The following PRCD variants were observed in gnomAD, a reference collection of about 807,000 sequenced individuals.
The protein encoded by PRCD is photoreceptor disc component.
A neutral mutation model predicts 10.1 loss-of-function variants in PRCD; 12 were observed. The observed-to-expected ratio is 1.18, with a 90% CI of 0.76 to 1.92. The LOEUF (loss-of-function observed/expected upper bound fraction) is 1.92. PRCD is among the 40% of genes most tolerant of loss of function. The pLI, the probability that PRCD is intolerant of heterozygous loss-of-function variation, is 0.00. For missense variants in PRCD, 61 were observed against 72.2 expected (o/e 0.84, Z 0.56); for synonymous variants, 31 against 26.2 (o/e 1.18, Z -0.56).
chr17:76,542,609 G>A lies in PRCD; in HGVS notation c.*35G>A, dbSNP rs757831917. 3 of 1,613,650 alleles carry A rather than the reference G, an allele frequency of 1.9e-6. No individual in the cohort carries two copies. The highest frequency in any genetic ancestry group is 4.5e-5 in the East Asian group (2 of 44,884). Reference sequence around the variant, plus strand: ...TCTGCAGGTGGGGCTCAGGCCCAGAGACTGGGATCAGCTGGCTCAGGCAGG... The same window carrying A: ...TCTGCAGGTGGGGCTCAGGCCCAGAAACTGGGATCAGCTGGCTCAGGCAGG... On this transcript the variant is annotated 3_prime_UTR_variant, in exon 3 of 5. Transcript: ENST00000592014.
chr17:76,544,345 GCCT>G lies in PRCD; in HGVS notation c.*697_*699del, dbSNP rs1418594026. 2.2e-6 allele frequency: 1 copy of G among 454,692 alleles called. No homozygotes were observed. The highest frequency in any genetic ancestry group is 6.9e-5 in the East Asian group (1 of 14,392). 28.2% of individuals were successfully genotyped at this position (454,692 alleles called of 1,614,324 possible). ...ACAGCAGCACTTCAGCCGCCACTCTGCCTCTGAAGGGAAGGAAGGGAAAGGGTG... is the reference window on the plus strand; with the variant it reads ...ACAGCAGCACTTCAGCCGCCACTCTGCTGAAGGGAAGGAAGGGAAAGGGTG... On this transcript the variant is annotated 3_prime_UTR_variant, in exon 5 of 5. Transcript: ENST00000592014.
At chr17:76,529,231 G>A (rs887350612) in intron 1 of PRCD, 44 of 985,342 alleles carry the variant, frequency 4.5e-5, no homozygotes, top group Non-Finnish European at 5.2e-5. Flanking sequence ...GGGAGGCTCT[G>A]CAGGCTCAGG....
intron 1 of PRCD, among the ~76,000 whole-genome samples, chr17:76,534,136 CTCTT>C (rs1226089403): frequency 5.8e-4 from 76 of 130,252 alleles, no homozygotes; most frequent in African/African-American, 2.1e-3. Flanking sequence ...CTTTCTCTCT[CTCTT>C]TCTCTTTCTC....
chr17:76,551,286 G>A (rs540222169), intron 1 of PRCD: 1 of 152,236 alleles, frequency 6.6e-6, no homozygotes, highest in East Asian at 1.9e-4. Context: ...TGGGCATGGA[G>A]AGACATGCCC....
upstream of PRCD, chr17:76,537,609 C>T: frequency 9.8e-7 from 1 of 1,025,492 alleles, no homozygotes; most frequent in Non-Finnish European, 1.2e-6. Flanking sequence ...GCGCGGGGCG[C>T]GGGGCGCCGG....
Position 76,544,221 on chromosome 17 carries a change from C to T in PRCD, c.*571C>T, listed in dbSNP as rs1267287400. On this transcript the variant is annotated 3_prime_UTR_variant, in exon 5 of 5. Transcript: ENST00000592014. ...CCCGTGCCTCTGTGCACACGCGTCT[C>T]TCCTCCCCAGCCAGCCCCCCTCCCA... 2.2e-6 allele frequency: 1 copy of T among 454,586 alleles called. No individual in the cohort carries two copies. The highest frequency in any genetic ancestry group is 1.6e-5 in the South Asian group (1 of 64,480). The allele number at this position is 454,586 out of a possible 1,614,324, so 28.2% of individuals were successfully genotyped here. A position where few individuals can be genotyped will look rare whatever the true frequency, so the allele number is the denominator to read the frequency against.
rs1229256216 is a variant in PRCD, at chr17:76,544,314, C to T, written c.*664C>T. On this transcript the variant is annotated 3_prime_UTR_variant, in exon 5 of 5. Transcript: ENST00000592014. ...CTTCCAGGCAGTAGAAGATGGAGTT[C>T]TCTAGACAGCAGCACTTCAGCCGCC... 1 of 454,444 alleles carries T rather than the reference C, an allele frequency of 2.2e-6. No homozygotes were observed. The highest frequency in any genetic ancestry group is 4.4e-6 in the Non-Finnish European group (1 of 226,816). The allele number at this position is 454,444 out of a possible 1,614,324, so 28.2% of individuals were successfully genotyped here. A position where few individuals can be genotyped will look rare whatever the true frequency, so the allele number is the denominator to read the frequency against.
downstream of PRCD, among the ~76,000 whole-genome samples, chr17:76,547,565 T>A (rs1050346540): frequency 6.6e-6 from 1 of 152,054 alleles, no homozygotes; most frequent in African/African-American, 2.4e-5. Context: ...AGAAAATTTT[T>A]AAAAATTTAC....
chr17:76,541,831 C>G (rs1174051968), intron 2 of PRCD, among the ~76,000 whole-genome samples: 1 of 152,150 alleles, frequency 6.6e-6, no homozygotes, highest in East Asian at 1.9e-4. Flanking sequence ...AATGGAAAGA[C>G]TATGGGGGAA....
downstream of PRCD, chr17:76,546,711 T>G (rs1466863502): frequency 2.0e-5 from 3 of 152,208 alleles, no homozygotes; most frequent in East Asian, 5.8e-4. This position sits in a 1 kb window ranked among gnomAD's most constrained non-coding sequence, Gnocchi z 4.5. Flanking sequence ...GCACGGAAGC[T>G]TATGTTAACA....
rs1312015753 is a variant in PRCD at position 76,530,373 on chromosome 17, G to A, written n.45+2540G>A. Among the ~76,000 whole-genome samples, 1 of 152,104 alleles carries A rather than the reference G, an allele frequency of 6.6e-6. No individual in the cohort carries two copies. The highest frequency in any genetic ancestry group is 1.5e-5 in the Non-Finnish European group (1 of 67,996). On this transcript the variant is annotated intron_variant and non_coding_transcript_variant, in intron 1 of 4. Transcript: ENST00000397633. The surrounding 1 kb of genome is among the most constrained non-coding windows in gnomAD (Gnocchi z 6.1). ...GGCCACCCTCCTTGAGCCACCTCCT[G>A]GGCCCAGAACTGGAAGCCCAGCCTC...
intron 1 of PRCD, among the ~76,000 whole-genome samples, chr17:76,532,703 T>C (rs188960236): frequency 6.5e-4 from 98 of 151,566 alleles, no homozygotes; most frequent in African/African-American, 2.3e-3. Context: ...GGCTAGCTAA[T>C]TTTTTGTATT....
At chr17:76,545,637 G>GT (rs1031042950), downstream of PRCD, 2 of 322,994 alleles carry the variant, frequency 6.2e-6, no homozygotes, top group African/African-American at 4.3e-5. Flanking sequence ...TGTGGCCTGG[G>GT]TAAGTTTCTG....
chr17:76,531,519 G>A lies in PRCD; in HGVS notation n.45+3686G>A. On this transcript the variant is annotated intron_variant and non_coding_transcript_variant, in intron 1 of 4. Transcript: ENST00000397633. This position sits in a 1 kb window ranked among gnomAD's most constrained non-coding sequence, Gnocchi z 7.4. ...GCGTGGGCTTTCCCCACAAGGGCGA[G>A]CACAGAGGACACCTTGTCGGGGTCA... 1 of 1,614,070 alleles carries A rather than the reference G, an allele frequency of 6.2e-7. No homozygotes were observed. Among genetic ancestry groups the A allele is most frequent in the Non-Finnish European group, 8.5e-7 (1 of 1,179,894 alleles).
intron 1 of PRCD, among the ~76,000 whole-genome samples, chr17:76,532,933 C>T (rs376776772): frequency 2.6e-4 from 40 of 152,168 alleles, no homozygotes; most frequent in African/African-American, 8.9e-4. Context: ...TAAGTGAATC[C>T]CCAGAAAATG....
At chr17:76,537,624 C>T (rs555271351), upstream of PRCD, 238 of 981,970 alleles carry the variant, frequency 2.4e-4, no homozygotes, top group African/African-American at 3.6e-3. Context: ...CGCCGGGAGC[C>T]GGGGCCGGCT....
intron 3 of PRCD, 91 bp downstream of exon 3, chr17:76,542,724 G>A: frequency 1.2e-6 from 1 of 816,196 alleles, no homozygotes; most frequent in South Asian, 1.4e-5. Flanking sequence ...TGGGAGGATA[G>A]CAGGCAGTGT....
chr17:76,546,392 G>T, downstream of PRCD: 1 of 152,326 alleles, frequency 6.6e-6, no homozygotes, highest in Non-Finnish European at 1.5e-5. This position sits in a 1 kb window ranked among gnomAD's most constrained non-coding sequence, Gnocchi z 4.5. Context: ...CTGGGGTGTA[G>T]ATGTCACCTT....
At chr17:76,538,079 G>C (rs2074942771), upstream of PRCD, 1 of 152,774 alleles carries the variant, frequency 6.5e-6, no homozygotes, top group Admixed American at 6.6e-5. Context: ...CAGTGCTTGC[G>C]GCGTCGCGAG....
Sources: allele counts gnomAD v4.1 joint callset (sites outside exome capture counted in the v4.1 genomes callset), GRCh38; gene constraint gnomAD v4.1.1; non-coding constraint Gnocchi (gnomAD v3.1); transcripts MANE v1.5; gene names NCBI Gene and HGNC (gene_info 2026-07-23, HGNC 2026-07-21).